CADPS: variants seen among roughly 807,000 people sequenced by gnomAD.
CADPS encodes calcium dependent secretion activator, also known as calcium-dependent secretion activator 1.
A neutral mutation model predicts 167.3 loss-of-function variants in CADPS; 57 were observed. The ratio of observed to expected loss-of-function variants is 0.34; its 90% CI spans 0.28 to 0.42. The LOEUF is 0.42. Ranked by LOEUF, CADPS falls within the 20% of genes least tolerant of loss-of-function variation. CADPS has a pLI of 1.00. For synonymous variants in CADPS, 676 were observed against 635.3 expected (o/e 1.06, Z -0.96); for missense variants, 1,414 against 1,738.1 (o/e 0.81, Z 3.32).
intron 11 of CADPS, among the ~76,000 whole-genome samples, chr3:62,541,292 A>G (rs2075647633): frequency 6.6e-6 from 1 of 152,108 alleles, no homozygotes; most frequent in Non-Finnish European, 1.5e-5. Context: ...GAGCTATATG[A>G]TTTTATAGGC....
In CADPS at chr3:62,855,091, A is replaced by ATTTTTTTTTTTTTTTTTTTTT. The variant is rs554197608; in HGVS notation, c.441+19497_441+19498insAAAAAAAAAAAAAAAAAAAAA. Among the ~76,000 whole-genome samples, 191 of 92,682 alleles carry ATTTTTTTTTTTTTTTTTTTTT rather than the reference A, an allele frequency of 2.1e-3. 3 individuals are homozygous for ATTTTTTTTTTTTTTTTTTTTT. Among genetic ancestry groups the ATTTTTTTTTTTTTTTTTTTTT allele is most frequent in the Non-Finnish European group, 3.1e-3 (143 of 45,516 alleles). The allele number at this position is 92,682 out of a possible 152,430, so 60.8% of individuals were successfully genotyped here. On this transcript the variant is annotated intron_variant, in intron 1 of 29. Transcript: ENST00000383710. Reference sequence around the variant, plus strand: ...AGGCACGTGCCATCATGCCCGGCTAATTTTTTTTTTTTTTTTTTGTCTTTT... The same window carrying ATTTTTTTTTTTTTTTTTTTTT: ...AGGCACGTGCCATCATGCCCGGCTAATTTTTTTTTTTTTTTTTTTTTTTTTTTTTTTTTTTTTTTGTCTTTT...
intron 2 of CADPS, among the ~76,000 whole-genome samples, chr3:62,758,610 T>C (rs2084598332): frequency 6.6e-6 from 1 of 152,230 alleles, no homozygotes; most frequent in South Asian, 2.1e-4. Flanking sequence ...GTATTTTGTA[T>C]CCGTGTTTGT....
chr3:62,644,551 C>A (rs1054171913), intron 6 of CADPS, among the ~76,000 whole-genome samples: 6 of 152,168 alleles, frequency 3.9e-5, no homozygotes, highest in Non-Finnish European at 5.9e-5. Context: ...TGCATACTTT[C>A]CTCACCAAGG....
At chr3:62,797,273 G>A (rs1265121250) in intron 1 of CADPS, among the ~76,000 whole-genome samples, 1 of 151,870 alleles carries the variant, frequency 6.6e-6, no homozygotes, top group Non-Finnish European at 1.5e-5. Flanking sequence ...TTATATAGGG[G>A]GCCCATAAAT....
chr3:62,529,649 T>C (rs921336188), intron 13 of CADPS, among the ~76,000 whole-genome samples: 1 of 152,246 alleles, frequency 6.6e-6, no homozygotes, highest in Non-Finnish European at 1.5e-5. Context: ...ATCAGGGTTT[T>C]CTTTGACCTT....
chr3:62,870,471 C>A (rs890637539), intron 1 of CADPS, among the ~76,000 whole-genome samples: 6 of 151,924 alleles, frequency 3.9e-5, no homozygotes, highest in Non-Finnish European at 8.8e-5. Context: ...CCAAATAAGC[C>A]CAAGTAAATG....
intron 23 of CADPS, among the ~76,000 whole-genome samples, chr3:62,474,863 A>G (rs1008304248): frequency 2.6e-5 from 4 of 152,210 alleles, no homozygotes; most frequent in Admixed American, 2.6e-4. Flanking sequence ...TGCTTTAAAG[A>G]CTACAAAATT....
intron 6 of CADPS, among the ~76,000 whole-genome samples, chr3:62,628,825 C>T (rs987135200): frequency 5.9e-5 from 9 of 152,044 alleles, no homozygotes; most frequent in Admixed American, 5.9e-4. Context: ...TGGGGTTTCA[C>T]CATGTTGGTC....
In CADPS at chr3:62,645,710, A is replaced by G. The variant is rs1221178354; in HGVS notation, c.1325+12T>C. The G allele has an allele frequency of 6.2e-7, 1 of 1,613,648 alleles. No individual in the cohort carries two copies. The highest frequency in any genetic ancestry group is 1.1e-5 in the South Asian group (1 of 90,940). ...CCCTCTATAAGATGGACCCTGGAGA[A>G]ACATAACTTACGTTGGTTTAGAAGC... On this transcript the variant is annotated intron_variant, in intron 6 of 29. Coordinates refer to ENST00000383710, the MANE Select transcript of CADPS (RefSeq NM_003716.4).
At position 62,874,942 on chromosome 3, in the gene CADPS, C is replaced by T. The variant is rs751422032; in HGVS notation, c.88G>A (p.Gly30Ser). Residue 30 changes from glycine (G) to serine (S), a missense_variant, in exon 1 of 30, where the codon GGC becomes AGC. Physicochemically the swap from Gly to Ser is moderately conservative, Grantham distance 56. Around this residue, in one of 6 missense-constraint regions of CADPS, gnomAD observed 522 missense variants for 559.5 expected, o/e 0.93. Coordinates refer to ENST00000383710, the MANE Select transcript of CADPS (RefSeq NM_003716.4). This position sits in a 1 kb window ranked among gnomAD's most constrained non-coding sequence, Gnocchi z 7.1. Reference sequence around the variant, plus strand: ...GTACGGCTGGGAGACAGGCGCGCGCCGGACGGGGCCGAGCCGAGCACCTCC... The same window carrying T: ...GTACGGCTGGGAGACAGGCGCGCGCTGGACGGGGCCGAGCCGAGCACCTCC... The part of the protein sequence containing the change: ...GKEVLGSAPS[G>S]ARLSPSRTSE... 1.6e-5 allele frequency: 24 copies of T among 1,531,382 alleles called. No homozygotes were observed. The African/African-American group carries it at 2.4e-4, about 16-fold the overall frequency. 94.9% of individuals were successfully genotyped at this position (1,531,382 alleles called of 1,614,324 possible).
At chr3:62,813,217 C>T (rs777009803) in intron 1 of CADPS, among the ~76,000 whole-genome samples, 1 of 152,098 alleles carries the variant, frequency 6.6e-6, no homozygotes, top group East Asian at 1.9e-4. Context: ...TCACACTATA[C>T]TACAAGCCCA....
chr3:62,553,489 C>T (rs1285167016), intron 10 of CADPS, among the ~76,000 whole-genome samples: 2 of 152,156 alleles, frequency 1.3e-5, no homozygotes, highest in African/African-American at 4.8e-5. Context: ...CTGTTTGTCT[C>T]CACAGCTGAT....
chr3:62,724,641 C>A (rs953009263), intron 3 of CADPS, among the ~76,000 whole-genome samples: 4 of 152,176 alleles, frequency 2.6e-5, no homozygotes, highest in Admixed American at 2.0e-4. Context: ...ATGCGTCACA[C>A]ACACACAGTC....
intron 16 of CADPS, among the ~76,000 whole-genome samples, chr3:62,515,253 TG>T (rs1343278746): frequency 2.0e-5 from 3 of 152,102 alleles, no homozygotes; most frequent in African/African-American, 7.2e-5. Flanking sequence ...CATCGAGTTT[TG>T]CACACAGAAC....
chr3:62,508,647 T>C (rs541763550), intron 17 of CADPS, among the ~76,000 whole-genome samples: 2 of 152,194 alleles, frequency 1.3e-5, no homozygotes, highest in African/African-American at 4.8e-5. Flanking sequence ...AGCTTATAAT[T>C]GATGGCCCTT....
chr3:62,548,368 C>A (rs1442193955), intron 11 of CADPS, among the ~76,000 whole-genome samples: 1 of 148,478 alleles, frequency 6.7e-6, no homozygotes, highest in South Asian at 2.1e-4. Flanking sequence ...TAGGTGTGGG[C>A]AATCTCTTTC....
intron 1 of CADPS, among the ~76,000 whole-genome samples, chr3:62,831,136 C>T (rs1162538295): frequency 6.6e-6 from 1 of 152,174 alleles, no homozygotes; most frequent in Non-Finnish European, 1.5e-5. Flanking sequence ...AAACAGACTA[C>T]TCACTTCTAA....
intron 26 of CADPS, among the ~76,000 whole-genome samples, chr3:62,463,223 A>G (rs545577389): frequency 7.9e-5 from 12 of 152,142 alleles, no homozygotes; most frequent in African/African-American, 2.9e-4. Flanking sequence ...CTGCCCCTGG[A>G]CCACCTTCCC....
At chr3:62,700,039 G>T (rs552951029) in intron 3 of CADPS, among the ~76,000 whole-genome samples, 1 of 152,174 alleles carries the variant, frequency 6.6e-6, no homozygotes, top group South Asian at 2.1e-4. Context: ...TATTCTACAA[G>T]TCTGTATGAA....
Sources: gnomAD v4.1 joint callset for allele counts (sites outside exome capture counted in the v4.1 genomes callset) on GRCh38, gnomAD v4.1.1 for gene constraint, gnomAD v4.1.1 regional missense constraint, Gnocchi (gnomAD v3.1) non-coding constraint, MANE v1.5 for transcripts, NCBI Gene and HGNC (gene_info 2026-07-23, HGNC 2026-07-21) for gene names.